Variants in PDZRN4 observed in about 807,000 individuals in gnomAD.
The protein encoded by PDZRN4 is PDZ domain containing ring finger 4.
A neutral mutation model predicts 99.0 loss-of-function variants in PDZRN4; 70 were observed. The observed-to-expected ratio is 0.71, with a 90% CI of 0.58 to 0.86. PDZRN4 has a LOEUF of 0.86. Among genes scored for constraint, PDZRN4 ranks in the 40% least tolerant of loss-of-function variants. The probability of loss-of-function intolerance (pLI) is 0.00; values close to 1 mark genes in which losing one functional copy is unlikely to be tolerated. For synonymous variants in PDZRN4, 551 were observed against 501.6 expected, an observed-to-expected ratio of 1.10 and a Z score of -1.32; for missense variants, 1,474 against 1,331.2, an observed-to-expected ratio of 1.11 and a Z score of -1.67.
chr12:41,394,754 G>C (rs1952234007), intron 3 of PDZRN4, among the ~76,000 whole-genome samples: 1 of 151,778 alleles, frequency 6.6e-6, no homozygotes, highest in Non-Finnish European at 1.5e-5. Context: ...TCATAACATG[G>C]AAGCTGGCTT....
intron 3 of PDZRN4, among the ~76,000 whole-genome samples, chr12:41,213,189 G>A (rs928149192): frequency 2.0e-5 from 3 of 151,988 alleles, no homozygotes; most frequent in Non-Finnish European, 4.4e-5. Context: ...AAGCAGGGAA[G>A]TGACATGATC....
At chr12:41,355,588 T>G (rs1291929145) in intron 3 of PDZRN4, among the ~76,000 whole-genome samples, 1 of 152,122 alleles carries the variant, frequency 6.6e-6, no homozygotes, top group East Asian at 1.9e-4. Context: ...TTTGCATATA[T>G]GCATTCAGTT....
chr12:41,560,190 C>T (rs1339231586), intron 7 of PDZRN4, among the ~76,000 whole-genome samples: 2 of 152,166 alleles, frequency 1.3e-5, no homozygotes, highest in African/African-American at 2.4e-5. Context: ...AATATAAACA[C>T]ATTTGAAATA....
intron 3 of PDZRN4, among the ~76,000 whole-genome samples, chr12:41,406,412 T>C (rs1017022407): frequency 6.6e-6 from 1 of 152,152 alleles, no homozygotes; most frequent in Non-Finnish European, 1.5e-5. Flanking sequence ...CTTACGTCAT[T>C]ACCAAGCTAC....
At chr12:41,210,760 T>A (rs1040407105) in intron 3 of PDZRN4, among the ~76,000 whole-genome samples, 11 of 151,996 alleles carry the variant, frequency 7.2e-5, no homozygotes, top group African/African-American at 2.4e-4. Flanking sequence ...GTTTTCCATA[T>A]TTTTTGTGTA....
chr12:41,239,114 C>T (rs1450501476), intron 3 of PDZRN4, among the ~76,000 whole-genome samples: 3 of 152,102 alleles, frequency 2.0e-5, no homozygotes, highest in Non-Finnish European at 4.4e-5. Flanking sequence ...AAATATACAC[C>T]ATGGAATAGT....
chr12:41,290,742 A>G (rs76749063), intron 3 of PDZRN4, among the ~76,000 whole-genome samples: 2,744 of 152,220 alleles, frequency 0.018, 77 homozygotes, highest in African/African-American at 0.061. Context: ...GTATTCAACA[A>G]TCTTTTGGAG....
intron 3 of PDZRN4, among the ~76,000 whole-genome samples, chr12:41,287,154 A>T (rs1483713183): frequency 1.3e-5 from 2 of 152,218 alleles, no homozygotes; most frequent in African/African-American, 4.8e-5. Context: ...ACTGCAATTT[A>T]AACTCCAGAA....
intron 3 of PDZRN4, among the ~76,000 whole-genome samples, chr12:41,328,262 CACTAGATAAAA>C (rs1452652374): frequency 2.6e-5 from 4 of 151,964 alleles, no homozygotes; most frequent in Non-Finnish European, 1.5e-5. Flanking sequence ...GATGGCTATG[CACTAGATAAAA>C]ATGTGTCCAG....
At chr12:41,343,072 A>G in intron 3 of PDZRN4, among the ~76,000 whole-genome samples, 1 of 151,996 alleles carries the variant, frequency 6.6e-6, no homozygotes, top group South Asian at 2.1e-4. Flanking sequence ...ATCATTTGTG[A>G]CAACATAGAT....
intron 3 of PDZRN4, among the ~76,000 whole-genome samples, chr12:41,378,636 C>T (rs967560939): frequency 2.7e-5 from 4 of 147,762 alleles, no homozygotes; most frequent in Admixed American, 7.0e-5. Flanking sequence ...AATTCTCTTG[C>T]CTCAGCCTCC....
chr12:41,395,482 C>T (rs916785241), intron 3 of PDZRN4, among the ~76,000 whole-genome samples: 1 of 152,144 alleles, frequency 6.6e-6, no homozygotes, highest in African/African-American at 2.4e-5. Context: ...TGAAAGTTTG[C>T]ACATGTTTAC....
At chr12:41,418,155 T>C (rs1952459465) in intron 3 of PDZRN4, among the ~76,000 whole-genome samples, 1 of 152,184 alleles carries the variant, frequency 6.6e-6, no homozygotes, top group African/African-American at 2.4e-5. Context: ...TTTGAATTTA[T>C]AACTGACATT....
At chr12:41,311,514 G>A (rs1319556827) in intron 3 of PDZRN4, among the ~76,000 whole-genome samples, 2 of 152,128 alleles carry the variant, frequency 1.3e-5, no homozygotes, top group African/African-American at 4.8e-5. Context: ...TGGGTTGAGA[G>A]CTACTGCATT....
chr12:41,542,850 A>T (rs1938882882), intron 5 of PDZRN4, among the ~76,000 whole-genome samples: 1 of 152,188 alleles, frequency 6.6e-6, no homozygotes, highest in Non-Finnish European at 1.5e-5. Context: ...AATACTAAAG[A>T]TAAAATAGAA....
At chr12:41,366,293 T>C (rs1275885439) in intron 3 of PDZRN4, among the ~76,000 whole-genome samples, 1 of 152,134 alleles carries the variant, frequency 6.6e-6, no homozygotes, top group Non-Finnish European at 1.5e-5. Context: ...TTGCAGGGAA[T>C]GAAAAGTCAT....
intron 3 of PDZRN4, among the ~76,000 whole-genome samples, chr12:41,323,965 G>GCCC (rs902562982): frequency 6.6e-6 from 1 of 151,864 alleles, no homozygotes; most frequent in African/African-American, 2.4e-5. Context: ...GTAAACAACT[G>GCCC]TTTAGGCTTA....
At chr12:41,415,640 T>G (rs1952438407) in intron 3 of PDZRN4, among the ~76,000 whole-genome samples, 1 of 152,118 alleles carries the variant, frequency 6.6e-6, no homozygotes, top group Non-Finnish European at 1.5e-5. Flanking sequence ...ATGTTTTTCT[T>G]CCGTATCTAA....
intron 3 of PDZRN4, among the ~76,000 whole-genome samples, chr12:41,468,588 A>C (rs1952953202): frequency 6.6e-6 from 1 of 152,212 alleles, no homozygotes. Flanking sequence ...ATACGTTCTT[A>C]GCTAATAGCC....
Sources: allele counts gnomAD v4.1 joint callset (sites outside exome capture counted in the v4.1 genomes callset), GRCh38; gene constraint gnomAD v4.1.1; transcripts MANE v1.5; gene names NCBI Gene and HGNC (gene_info 2026-07-23, HGNC 2026-07-21).